CCDC171: variants seen among roughly 807,000 people sequenced by gnomAD.
CCDC171 encodes coiled-coil domain-containing protein 171.
In CCDC171, 177 loss-of-function variants were observed where a neutral mutation model predicts 168.2. That is an observed-to-expected ratio of 1.05 (90% CI 0.93 to 1.19). The LOEUF is 1.19. Ranked by LOEUF, CCDC171 falls within the 50% of genes most tolerant of loss-of-function variation. The pLI is 0.00. For missense variants in CCDC171, 1,991 were observed against 1,539.0 expected, an observed-to-expected ratio of 1.29 and a Z score of -4.91; for synonymous variants, 687 against 540.8, an observed-to-expected ratio of 1.27 and a Z score of -3.75.
chr9:15,904,952 A>G (rs1346209687), intron 24 of CCDC171, among the ~76,000 whole-genome samples: 4 of 152,096 alleles, frequency 2.6e-5, no homozygotes, highest in Admixed American at 2.6e-4. Flanking sequence ...TAAAGGGATC[A>G]ATTCAACAAG....
intron 18 of CCDC171, among the ~76,000 whole-genome samples, chr9:15,751,604 C>A (rs1428137500): frequency 6.6e-6 from 1 of 152,088 alleles, no homozygotes; most frequent in Non-Finnish European, 1.5e-5. Context: ...GAAATAACAC[C>A]ACACATCTAC....
At chr9:15,950,942 A>T (rs1162697122) in intron 25 of CCDC171, among the ~76,000 whole-genome samples, 1 of 151,642 alleles carries the variant, frequency 6.6e-6, no homozygotes, top group Non-Finnish European at 1.5e-5. Context: ...TACCAAGCAA[A>T]TGGAAAACAA....
intron 21 of CCDC171, among the ~76,000 whole-genome samples, chr9:15,795,539 GACTCAACACCAAATGATGAGA>G (rs1320917517): frequency 6.6e-6 from 1 of 152,146 alleles, no homozygotes; most frequent in Admixed American, 6.5e-5. Context: ...AAATGATGAG[GACTCAACACCAAATGATGAGA>G]AGGAGCTGAA....
chr9:15,841,760 T>G (rs902547544), intron 21 of CCDC171, among the ~76,000 whole-genome samples: 12 of 151,956 alleles, frequency 7.9e-5, no homozygotes, highest in Non-Finnish European at 1.6e-4. Flanking sequence ...TTTTCTGGCT[T>G]TATTATAAAA....
intron 3 of CCDC171, among the ~76,000 whole-genome samples, chr9:16,017,581 AC>A (rs573079219): frequency 6.6e-6 from 1 of 152,188 alleles, no homozygotes; most frequent in Non-Finnish European, 1.5e-5. Flanking sequence ...TTACCTCATC[AC>A]TTACCAAAAA....
chr9:15,890,705 C>A (rs920605395), intron 24 of CCDC171, among the ~76,000 whole-genome samples: 1 of 152,018 alleles, frequency 6.6e-6, no homozygotes, highest in Non-Finnish European at 1.5e-5. Context: ...AACAAAATGG[C>A]TATTTATTAA....
intron 3 of CCDC171, among the ~76,000 whole-genome samples, chr9:16,003,020 T>C (rs551458638): frequency 1.3e-5 from 2 of 152,352 alleles, no homozygotes; most frequent in African/African-American, 4.8e-5. Flanking sequence ...AATGTGTTTC[T>C]TAGAACATAT....
chr9:15,852,169 CA>C (rs2061157601), intron 23 of CCDC171, among the ~76,000 whole-genome samples: 1 of 151,766 alleles, frequency 6.6e-6, no homozygotes, highest in African/African-American at 2.4e-5. Flanking sequence ...CTGTTTTCCA[CA>C]GTTGCTGCAC....
Position 15,604,946 on chromosome 9 carries a change from C to T in CCDC171, c.675+10774C>T, listed in dbSNP as rs75448207. ...TTATTTTATATTTTTGAGACAAGGT[C>T]TCACTCTGTTGCCCATGTTGGAGTG... is the stretch of plus-strand genomic sequence containing the variant. On this transcript the variant is annotated intron_variant, in intron 6 of 25. Transcript: ENST00000380701. Among the ~76,000 whole-genome samples the T allele has an allele frequency of 3.8e-3, 583 of 152,262 alleles. 3 individuals are homozygous for T. Among genetic ancestry groups the T allele is most frequent in the African/African-American group, 0.013 (549 of 41,540 alleles).
At chr9:15,619,753 T>C (rs1029731315) in intron 6 of CCDC171, among the ~76,000 whole-genome samples, 3 of 152,292 alleles carry the variant, frequency 2.0e-5, no homozygotes, top group African/African-American at 4.8e-5. Flanking sequence ...CTGGAAGGTG[T>C]CATCTAGGTG....
intron 16 of CCDC171, among the ~76,000 whole-genome samples, chr9:15,739,202 G>C (rs958557981): frequency 3.3e-5 from 5 of 152,214 alleles, no homozygotes; most frequent in African/African-American, 1.2e-4. Flanking sequence ...CCTGAAATGG[G>C]CTCTGAAGAT....
chr9:16,077,702 G>GA, the CCDC171 span, among the ~76,000 whole-genome samples: 2 of 152,024 alleles, frequency 1.3e-5, no homozygotes, highest in South Asian at 2.1e-4. Flanking sequence ...TGTAAGAGGG[G>GA]AAAAAAAGCC....
At chr9:15,800,081 G>A (rs892957877) in intron 21 of CCDC171, among the ~76,000 whole-genome samples, 4 of 152,128 alleles carry the variant, frequency 2.6e-5, no homozygotes, top group African/African-American at 9.7e-5. Context: ...AAATGTGGGA[G>A]TGCAGATATC....
At chr9:15,559,694 T>C (rs7846818) in intron 1 of CCDC171, among the ~76,000 whole-genome samples, 6,742 of 152,282 alleles carry the variant, frequency 0.044, 333 homozygotes, top group South Asian at 0.12. Flanking sequence ...AATTTGCCAG[T>C]CTGTGTCTTT....
chr9:16,071,447 G>C, the CCDC171 span, among the ~76,000 whole-genome samples: 1 of 152,166 alleles, frequency 6.6e-6, no homozygotes, highest in African/African-American at 2.4e-5. Flanking sequence ...TGCTCCCTCA[G>C]ACTTTCCAGC....
chr9:16,062,431 A>T (rs930606391), downstream of CCDC171, among the ~76,000 whole-genome samples: 4 of 152,200 alleles, frequency 2.6e-5, no homozygotes, highest in Non-Finnish European at 5.9e-5. Flanking sequence ...GAAAGGATTG[A>T]AAAACTACCT....
chr9:16,043,871 T>C (rs1239295777), intron 1 of CCDC171, among the ~76,000 whole-genome samples: 2 of 152,218 alleles, frequency 1.3e-5, no homozygotes, highest in African/African-American at 4.8e-5. Flanking sequence ...AAAAATTCAG[T>C]GCCCTGGCAT....
chr9:15,886,118 A>G (rs749025349), intron 24 of CCDC171: 9 of 152,166 alleles, frequency 5.9e-5, no homozygotes, highest in Non-Finnish European at 1.2e-4. Flanking sequence ...CATGCACAAT[A>G]ATCAACTCAA....
chr9:15,765,586 A>G (rs756279397), intron 18 of CCDC171, among the ~76,000 whole-genome samples: 1 of 152,164 alleles, frequency 6.6e-6, no homozygotes, highest in Non-Finnish European at 1.5e-5. Context: ...GCTTGCTACT[A>G]TTTAGTGAAA....
Sources: gnomAD v4.1 joint callset for allele counts (sites outside exome capture counted in the v4.1 genomes callset) on GRCh38, gnomAD v4.1.1 for gene constraint, MANE v1.5 for transcripts, NCBI Gene and HGNC (gene_info 2026-07-23, HGNC 2026-07-21) for gene names.